Variants in PTPRD observed in about 807,000 individuals in gnomAD.
PTPRD encodes the protein protein tyrosine phosphatase receptor type D, also known as receptor-type tyrosine-protein phosphatase delta.
PTPRD carries 34 observed loss-of-function variants against 214.5 expected under a neutral mutation model. The observed-to-expected ratio is 0.16, with a 90% CI of 0.12 to 0.21. PTPRD has a LOEUF of 0.21. Ranked by LOEUF, PTPRD falls within the 10% of genes least tolerant of loss-of-function variation. The pLI is 1.00. For missense variants in PTPRD, 2,545 were observed against 2,398.7 expected, an observed-to-expected ratio of 1.06 and a Z score of -1.27; for synonymous variants, 1,128 against 845.7, an observed-to-expected ratio of 1.33 and a Z score of -5.79.
chr9:10,393,707 A>C (rs1033401342), intron 2 of PTPRD, among the ~76,000 whole-genome samples: 1 of 147,238 alleles, frequency 6.8e-6, no homozygotes, highest in South Asian at 2.1e-4. Flanking sequence ...TAATATATAT[A>C]ATATATATAT....
chr9:10,431,792 G>T (rs2098681848), intron 2 of PTPRD, among the ~76,000 whole-genome samples: 1 of 152,060 alleles, frequency 6.6e-6, no homozygotes, highest in Non-Finnish European at 1.5e-5. Flanking sequence ...AATAACAGGT[G>T]CTGGAGAGGA....
intron 35 of PTPRD, among the ~76,000 whole-genome samples, chr9:8,418,519 T>C (rs1266061530): frequency 6.6e-6 from 1 of 152,134 alleles, no homozygotes; most frequent in African/African-American, 2.4e-5. Context: ...TATATCTGTG[T>C]AGTCTAGAAA....
chr9:10,087,710 G>A (rs1315152879), intron 3 of PTPRD, among the ~76,000 whole-genome samples: 1 of 151,618 alleles, frequency 6.6e-6, no homozygotes, highest in Non-Finnish European at 1.5e-5. Context: ...TTTTATAACT[G>A]AATATACTAA....
chr9:8,525,082 T>C, intron 17 of PTPRD, 47 bp from the exon 18 acceptor site: 1 of 1,510,436 alleles, frequency 6.6e-7, no homozygotes. Flanking sequence ...CAGAGAAGGC[T>C]TTCTCAGTTC....
intron 35 of PTPRD, among the ~76,000 whole-genome samples, chr9:8,411,710 C>T (rs749083101): frequency 3.3e-5 from 5 of 152,136 alleles, no homozygotes; most frequent in East Asian, 1.9e-4. Flanking sequence ...ATAAGATCAG[C>T]GATATGTGTT....
At chr9:10,200,511 G>A (rs115695125) in intron 3 of PTPRD, among the ~76,000 whole-genome samples, 3 of 152,158 alleles carry the variant, frequency 2.0e-5, no homozygotes, top group Non-Finnish European at 2.9e-5. Context: ...GTTGAAAAAC[G>A]AAATGCTAGA....
At chr9:10,225,405 G>A (rs1290958382) in intron 3 of PTPRD, among the ~76,000 whole-genome samples, 2 of 151,974 alleles carry the variant, frequency 1.3e-5, no homozygotes, top group Non-Finnish European at 1.5e-5. Context: ...GATATTAACA[G>A]TCCGCTTATT....
chr9:8,570,244 C>T (rs889567760), intron 14 of PTPRD, among the ~76,000 whole-genome samples: 1 of 151,996 alleles, frequency 6.6e-6, no homozygotes, highest in Admixed American at 6.6e-5. Flanking sequence ...TAAATACACT[C>T]CTCATAATTT....
chr9:8,341,324 C>T, intron 40 of PTPRD, 56 bp from the exon 41 acceptor site: 3 of 1,507,988 alleles, frequency 2.0e-6, no homozygotes, highest in Admixed American at 2.2e-5. Context: ...TTTTCACCTA[C>T]AGTTTGAATG....
chr9:9,880,506 T>C (rs528904262), intron 5 of PTPRD, among the ~76,000 whole-genome samples: 15 of 152,190 alleles, frequency 9.9e-5, no homozygotes, highest in Admixed American at 2.6e-4. Flanking sequence ...TATATACAAA[T>C]TAAAATTATC....
At chr9:8,586,801 G>A (rs1255592726) in intron 14 of PTPRD, among the ~76,000 whole-genome samples, 3 of 152,084 alleles carry the variant, frequency 2.0e-5, no homozygotes, top group Non-Finnish European at 2.9e-5. Context: ...AATATAAAGT[G>A]GTAAATAATA....
chr9:8,816,897 T>C (rs1284645983), intron 11 of PTPRD, among the ~76,000 whole-genome samples: 2 of 152,256 alleles, frequency 1.3e-5, no homozygotes, highest in Non-Finnish European at 2.9e-5. Context: ...AATTCTTGCA[T>C]CTTGCTGAAT....
rs1169856008 is a variant in PTPRD at position 9,195,072 on chromosome 9, ATGTG to A, written c.-202-11713_-202-11710del. Among the ~76,000 whole-genome samples, 2 of 133,144 alleles carry A rather than the reference ATGTG, an allele frequency of 1.5e-5. 1 individual carries two copies. The highest frequency in any genetic ancestry group is 3.2e-5 in the Non-Finnish European group (2 of 62,744). 87.3% of individuals were successfully genotyped at this position (133,144 alleles called of 152,430 possible). A position where few individuals can be genotyped will look rare whatever the true frequency, so the allele number is the denominator to read the frequency against. The stretch of plus-strand genomic sequence containing the variant: ...TATTTATACGAATACATATATACAT[ATGTG>A]TGTGTTTGTGTATATATATATATAT... On this transcript the variant is annotated intron_variant, in intron 9 of 45. Coordinates refer to ENST00000381196, the MANE Select transcript of PTPRD (RefSeq NM_002839.4).
intron 2 of PTPRD, among the ~76,000 whole-genome samples, chr9:10,482,763 G>GA (rs1491348733): frequency 6.6e-6 from 1 of 152,092 alleles, no homozygotes; most frequent in Non-Finnish European, 1.5e-5. Flanking sequence ...CCAACTAGGT[G>GA]AAAAATCTCC....
chr9:10,530,656 A>G (rs1182889141), intron 2 of PTPRD, among the ~76,000 whole-genome samples: 2 of 152,186 alleles, frequency 1.3e-5, no homozygotes. Context: ...CAAAATAATA[A>G]TTAATCATAA....
intron 34 of PTPRD, among the ~76,000 whole-genome samples, chr9:8,437,023 T>G (rs1186299651): frequency 6.6e-6 from 1 of 152,206 alleles, no homozygotes; most frequent in Non-Finnish European, 1.5e-5. Flanking sequence ...CTTTGAGTAA[T>G]GACTTTTATG....
chr9:8,777,303 A>G (rs529839653), intron 11 of PTPRD, among the ~76,000 whole-genome samples: 54 of 152,178 alleles, frequency 3.5e-4, no homozygotes, highest in Non-Finnish European at 6.8e-4. Flanking sequence ...AAATTTAAAC[A>G]GAGGTATTAC....
intron 3 of PTPRD, among the ~76,000 whole-genome samples, chr9:10,213,007 G>T (rs2099524238): frequency 2.0e-5 from 3 of 152,046 alleles, no homozygotes; most frequent in Admixed American, 1.3e-4. Flanking sequence ...AGTTACCCTT[G>T]TATCATTGTT....
At chr9:9,741,080 G>A (rs986177948) in intron 6 of PTPRD, among the ~76,000 whole-genome samples, 2 of 152,160 alleles carry the variant, frequency 1.3e-5, no homozygotes, top group Admixed American at 1.3e-4. Context: ...ACCGGGTGAT[G>A]ATATCCTTCA....
Sources: allele counts gnomAD v4.1 joint callset (sites outside exome capture counted in the v4.1 genomes callset), GRCh38; gene constraint gnomAD v4.1.1; transcripts MANE v1.5; gene names NCBI Gene and HGNC (gene_info 2026-07-23, HGNC 2026-07-21).